The following CHN1 variants were observed in gnomAD, a reference collection of about 807,000 sequenced individuals.
CHN1 encodes N-chimaerin.
Under a neutral mutation model 59.5 loss-of-function variants are expected in CHN1, and 37 were observed. That is an observed-to-expected ratio of 0.62 (90% CI 0.48 to 0.82). The LOEUF (loss-of-function observed/expected upper bound fraction) is 0.82. Among genes scored for constraint, CHN1 ranks in the 40% least tolerant of loss-of-function variants. CHN1 has a pLI of 0.00. For missense variants in CHN1, 469 were observed against 571.0 expected (o/e 0.82, Z 1.82); for synonymous variants, 206 against 200.4 (o/e 1.03, Z -0.24).
rs114665469 is a variant in CHN1, at chr2:174,992,861, C to T, written c.19+12033G>A. Among the ~76,000 whole-genome samples the T allele has an allele frequency of 4.5e-3, 679 of 152,120 alleles. 4 individuals carry two copies. Among genetic ancestry groups the T allele is most frequent in the African/African-American group, 0.015 (629 of 41,492 alleles). On this transcript the variant is annotated intron_variant, in intron 1 of 12. Transcript: ENST00000409900. ...CTGTCACCCAGGCTGGAGTGCTCAC[C>T]GAAGCCTGGGCTCTAACACCTGGGC...
chr2:174,865,750 A>G (rs1004131911), intron 6 of CHN1, among the ~76,000 whole-genome samples: 1 of 152,286 alleles, frequency 6.6e-6, no homozygotes, highest in South Asian at 2.1e-4. Context: ...TTAAGTATTC[A>G]CGTCTATACT....
intron 3 of CHN1, among the ~76,000 whole-genome samples, chr2:174,925,173 G>T (rs1689134255): frequency 6.6e-6 from 1 of 152,160 alleles, no homozygotes; most frequent in Non-Finnish European, 1.5e-5. Flanking sequence ...CTGAAAAACT[G>T]AATTCCTAGC....
chr2:174,903,167 C>A (rs539104803), intron 5 of CHN1, among the ~76,000 whole-genome samples: 2 of 152,270 alleles, frequency 1.3e-5, no homozygotes, highest in South Asian at 4.1e-4. Context: ...TTGACTATCT[C>A]GTTGTCCATT....
At chr2:174,934,827 T>C (rs1689450047) in intron 3 of CHN1, among the ~76,000 whole-genome samples, 2 of 152,260 alleles carry the variant, frequency 1.3e-5, no homozygotes, top group South Asian at 2.1e-4. Flanking sequence ...TGTCAGCAAG[T>C]CCTGAGAATT....
chr2:174,983,545 G>A (rs1691232724), intron 1 of CHN1, among the ~76,000 whole-genome samples: 1 of 151,876 alleles, frequency 6.6e-6, no homozygotes. Flanking sequence ...AAATAAGCTA[G>A]ACGGCCGGGC....
At chr2:174,999,809 G>A (rs1691827165) in intron 1 of CHN1, among the ~76,000 whole-genome samples, 1 of 152,086 alleles carries the variant, frequency 6.6e-6, no homozygotes, top group African/African-American at 2.4e-5. Context: ...GGGAGAGGGA[G>A]GATTTTTTAA....
At chr2:174,912,099 A>G (rs1341502147) in intron 5 of CHN1, among the ~76,000 whole-genome samples, 2 of 152,186 alleles carry the variant, frequency 1.3e-5, no homozygotes, top group Non-Finnish European at 2.9e-5. Context: ...CCAGGGTCCA[A>G]GAAAAGTGAA....
chr2:174,923,148 T>C (rs574424605), intron 3 of CHN1, among the ~76,000 whole-genome samples: 1 of 152,186 alleles, frequency 6.6e-6, no homozygotes, highest in South Asian at 2.1e-4. Flanking sequence ...ATTTTTTTTT[T>C]TTTTCTTTTT....
chr2:174,882,702 TTTTA>T (rs1351879273), intron 5 of CHN1, among the ~76,000 whole-genome samples: 78 of 152,324 alleles, frequency 5.1e-4, no homozygotes, highest in African/African-American at 1.6e-3. Flanking sequence ...ACAAAAACAG[TTTTA>T]TTTATCATAA....
Position 175,005,103 on chromosome 2 carries a change from C to T in CHN1, c.-191G>A, listed in dbSNP as rs1240955630. On this transcript the variant is annotated 5_prime_UTR_variant, in exon 1 of 13. Coordinates refer to ENST00000409900, the MANE Select transcript of CHN1 (RefSeq NM_001822.7). ...CCGCTGCAAGAAAAAGTTATTCACG[C>T]GTTATTGTCGGGCGCACCGGGCCCA... is the stretch of plus-strand genomic sequence containing the variant. 30 of 1,328,394 alleles carry T rather than the reference C, an allele frequency of 2.3e-5. No homozygotes were observed. In the East Asian group the frequency reaches 7.4e-4, roughly 33 times the overall value. 82.3% of individuals were successfully genotyped at this position (1,328,394 alleles called of 1,614,324 possible).
At chr2:174,842,978 A>C (rs1161243772) in intron 7 of CHN1, among the ~76,000 whole-genome samples, 1 of 152,196 alleles carries the variant, frequency 6.6e-6, no homozygotes, top group Non-Finnish European at 1.5e-5. Flanking sequence ...TACCTTAAAA[A>C]ATTAAACTCA....
Position 174,811,511 on chromosome 2 carries a change from C to A in CHN1, c.964G>T (p.Asp322Tyr). The A allele has an allele frequency of 6.2e-7, 1 of 1,605,450 alleles. No individual in the cohort carries two copies. Among genetic ancestry groups the A allele is most frequent in the South Asian group, 1.1e-5 (1 of 90,244 alleles). ...IEDVKMAFDR[D>Y]GEKADISVNM... ...TTATGGAACATTGTGAAAAACATAC[C>A]TCTGTCGAAAGCCATCTTGACATCT... Residue 322 changes from aspartate to tyrosine, a missense_variant and splice_region_variant, in exon 10 of 13, where the codon GAT (aspartate) becomes TAT (tyrosine). Physicochemically the swap from Asp to Tyr is radical, Grantham distance 160. This residue lies in a region of CHN1 where 225 missense variants were observed against 289.9 expected (regional missense o/e 0.78). Transcript: ENST00000409900.
intron 1 of CHN1, among the ~76,000 whole-genome samples, chr2:174,998,459 T>C (rs1185542432): frequency 6.6e-6 from 1 of 152,006 alleles, no homozygotes; most frequent in East Asian, 1.9e-4. Context: ...GTCACAAAAA[T>C]CTATTCAAGG....
intron 3 of CHN1, among the ~76,000 whole-genome samples, chr2:174,929,919 G>A (rs917222771): frequency 1.3e-5 from 2 of 152,210 alleles, no homozygotes; most frequent in Admixed American, 1.3e-4. Context: ...ACTTGTTTGT[G>A]AACTCTGATG....
At chr2:174,934,200 T>C (rs753551105) in intron 3 of CHN1, among the ~76,000 whole-genome samples, 1 of 152,180 alleles carries the variant, frequency 6.6e-6, no homozygotes, top group Non-Finnish European at 1.5e-5. Flanking sequence ...CTCACCATAA[T>C]GTAGAATCAG....
At position 175,005,078 on chromosome 2, in the gene CHN1, C is replaced by T. The variant is rs1276432580; in HGVS notation, c.-166G>A. The T allele has an allele frequency of 1.1e-5, 15 of 1,337,386 alleles. No homozygotes were observed. Among genetic ancestry groups the T allele is most frequent in the Non-Finnish European group, 2.9e-6 (3 of 1,042,724 alleles). The allele number at this position is 1,337,386 out of a possible 1,614,324, so 82.8% of individuals were successfully genotyped here. ...AGGCTGCAGGCCGGGACGCGGGGGA[C>T]CGCTGCAAGAAAAAGTTATTCACGC... On this transcript the variant is annotated 5_prime_UTR_variant, in exon 1 of 13. Transcript: ENST00000409900.
intron 1 of CHN1, among the ~76,000 whole-genome samples, chr2:174,993,238 AC>A: frequency 6.7e-6 from 1 of 148,458 alleles, no homozygotes; most frequent in East Asian, 2.0e-4. Context: ...TCCATCCACC[AC>A]CCCCACAACC....
intron 2 of CHN1, among the ~76,000 whole-genome samples, chr2:174,947,305 T>C (rs1026102903): frequency 2.0e-5 from 3 of 152,146 alleles, no homozygotes; most frequent in Non-Finnish European, 4.4e-5. Flanking sequence ...AAAGGGTATA[T>C]AGTATTTTCT....
chr2:174,840,810 G>C (rs1686274417), intron 7 of CHN1, among the ~76,000 whole-genome samples: 1 of 152,068 alleles, frequency 6.6e-6, no homozygotes, highest in Admixed American at 6.6e-5. Context: ...ATCTTTTCAG[G>C]GGCCCACATG....
Sources: gnomAD v4.1 joint callset for allele counts (sites outside exome capture counted in the v4.1 genomes callset) on GRCh38, gnomAD v4.1.1 for gene constraint, gnomAD v4.1.1 regional missense constraint, MANE v1.5 for transcripts, NCBI Gene and HGNC (gene_info 2026-07-23, HGNC 2026-07-21) for gene names.